Variants in STRN observed in about 807,000 individuals in gnomAD.
The protein encoded by STRN is striatin.
A neutral mutation model predicts 96.3 loss-of-function variants in STRN; 53 were observed. That is an observed-to-expected ratio of 0.55 (90% CI 0.44 to 0.69). The LOEUF (loss-of-function observed/expected upper bound fraction) is 0.69, where lower values mean the gene tolerates loss of function less well. Ranked by LOEUF, STRN falls within the 30% of genes least tolerant of loss-of-function variation. STRN has a pLI of 0.00. For missense variants in STRN, 987 were observed against 963.9 expected (o/e 1.02, Z -0.32); for synonymous variants, 428 against 355.9 (o/e 1.20, Z -2.28).
chr2:36,915,063 G>C (rs1443770264), intron 3 of STRN, among the ~76,000 whole-genome samples: 4 of 151,052 alleles, frequency 2.6e-5, no homozygotes, highest in South Asian at 4.2e-4. Context: ...CAGGCCTGGT[G>C]GTGGGCGCCA....
At chr2:36,918,880 C>T (rs1325411165) in intron 2 of STRN, among the ~76,000 whole-genome samples, 1 of 152,150 alleles carries the variant, frequency 6.6e-6, no homozygotes, top group Admixed American at 6.6e-5. Flanking sequence ...CTTTTTCTGT[C>T]TAATTCTGCC....
rs1668024781 is a variant in STRN at position 36,844,788 on chromosome 2, T to G, written c.*4668A>C. 1 of 152,164 alleles carries G rather than the reference T, an allele frequency of 6.6e-6. No homozygotes were observed. The highest frequency in any genetic ancestry group is 2.4e-5 in the African/African-American group (1 of 41,434). 9.4% of individuals were successfully genotyped at this position (152,164 alleles called of 1,614,324 possible). On this transcript the variant is annotated 3_prime_UTR_variant, in exon 18 of 18. Transcript: ENST00000263918. ...CCAGTTGGATGATGGATATTGCCAA[T>G]TAAAAAGTTTGTAGTGGCAAAAGTA...
At chr2:36,875,925 G>T (rs1264870750) in intron 10 of STRN, among the ~76,000 whole-genome samples, 2 of 152,062 alleles carry the variant, frequency 1.3e-5, no homozygotes. Context: ...CCAAAGTGCT[G>T]GGATACAAGC....
intron 10 of STRN, among the ~76,000 whole-genome samples, chr2:36,877,119 A>G (rs550352455): frequency 6.6e-6 from 1 of 152,312 alleles, no homozygotes; most frequent in African/African-American, 2.4e-5. Flanking sequence ...AAAGATTTCA[A>G]TTTTGGTCCA....
chr2:36,922,175 T>C (rs550707078), intron 2 of STRN, among the ~76,000 whole-genome samples: 1 of 152,174 alleles, frequency 6.6e-6, no homozygotes, highest in Admixed American at 6.5e-5. Context: ...TGAATCTGGG[T>C]AAAGGGTATA....
chr2:36,952,005 C>T (rs1433800725), intron 1 of STRN, among the ~76,000 whole-genome samples: 3 of 152,166 alleles, frequency 2.0e-5, no homozygotes, highest in Non-Finnish European at 4.4e-5. Flanking sequence ...AAGAATCTAA[C>T]GCCTGATGAT....
At chr2:36,932,499 TAATA>T (rs1431201213) in intron 1 of STRN, among the ~76,000 whole-genome samples, 2 of 152,232 alleles carry the variant, frequency 1.3e-5, no homozygotes, top group African/African-American at 4.8e-5. Flanking sequence ...GAAATTTTCC[TAATA>T]AATAAAATTA....
intron 1 of STRN, among the ~76,000 whole-genome samples, chr2:36,958,840 G>C (rs970959630): frequency 6.6e-6 from 1 of 152,194 alleles, no homozygotes; most frequent in African/African-American, 2.4e-5. Context: ...AGAAATATAG[G>C]CTGGGTGTGG....
At chr2:36,907,374 C>T (rs1186114936) in intron 3 of STRN, among the ~76,000 whole-genome samples, 1 of 152,122 alleles carries the variant, frequency 6.6e-6, no homozygotes, top group African/African-American at 2.4e-5. Context: ...GCGGTGAAAT[C>T]CTGTCTCTAC....
chr2:36,865,324 A>G (rs1668593559), intron 12 of STRN, among the ~76,000 whole-genome samples: 1 of 152,170 alleles, frequency 6.6e-6, no homozygotes, highest in South Asian at 2.1e-4. Context: ...TGGTAATATT[A>G]CATTTATCAT....
In STRN at chr2:36,867,851, G is replaced by T; in HGVS notation, c.1510C>A (p.Leu504Ile). ...AATGTATAGATAGGTTCTACATCAA[G>T]AGAAGTGCTCCTAAATCAGAGAGAG... ...KTAPAKKSTS[L>I]DVEPIYTFRA... Residue 504 changes from leucine (L) to isoleucine (I), a missense_variant, in exon 12 of 18, where the codon CTT becomes ATT. Leu to Ile is a conservative substitution (Grantham distance 5). Coordinates refer to ENST00000263918, the MANE Select transcript of STRN (RefSeq NM_003162.4). 1 of 1,592,776 alleles carries T rather than the reference G, an allele frequency of 6.3e-7. No homozygotes were observed. The highest frequency in any genetic ancestry group is 8.5e-7 in the Non-Finnish European group (1 of 1,171,138).
In STRN at chr2:36,841,589, T is replaced by G. The variant is rs889069059; in HGVS notation, c.*7867A>C. On this transcript the variant is annotated 3_prime_UTR_variant, in exon 18 of 18. Coordinates refer to ENST00000263918, the MANE Select transcript of STRN (RefSeq NM_003162.4). Reference sequence around the variant, plus strand: ...TAGTCAAAACCATTCAAAAGAGAACTCACTCTGTAAAAACGATTCTCATAT... The same window carrying G: ...TAGTCAAAACCATTCAAAAGAGAACGCACTCTGTAAAAACGATTCTCATAT... 6.6e-6 allele frequency: 1 copy of G among 152,176 alleles called. No homozygotes were observed. The highest frequency in any genetic ancestry group is 1.5e-5 in the Non-Finnish European group (1 of 68,022). The allele number at this position is 152,176 out of a possible 1,614,324, so 9.4% of individuals were successfully genotyped here.
chr2:36,918,792 A>G (rs1303689978), intron 2 of STRN, among the ~76,000 whole-genome samples: 2 of 152,246 alleles, frequency 1.3e-5, no homozygotes, highest in Admixed American at 6.5e-5. Context: ...ATATGTGAAA[A>G]TACCTTCTCA....
At chr2:36,895,123 C>T (rs1396636455) in intron 6 of STRN, among the ~76,000 whole-genome samples, 2 of 151,362 alleles carry the variant, frequency 1.3e-5, no homozygotes, top group Non-Finnish European at 3.0e-5. Context: ...GTCAGGAGAT[C>T]GAGACCATCC....
At chr2:36,852,358 T>A (rs1489683363) in intron 15 of STRN, among the ~76,000 whole-genome samples, 1 of 152,196 alleles carries the variant, frequency 6.6e-6, no homozygotes, top group Admixed American at 6.5e-5. Context: ...AATATATTAC[T>A]GGAACAACTC....
rs578083694 is a variant in STRN at position 36,963,270 on chromosome 2, G to A, written c.234+2960C>T. Reference sequence around the variant, plus strand: ...ACAAGTCTTCCCTGGCAACCTGAAAGAGCAGGACTGACAGGTTCTTGAAGA... The same window carrying A: ...ACAAGTCTTCCCTGGCAACCTGAAAAAGCAGGACTGACAGGTTCTTGAAGA... On this transcript the variant is annotated intron_variant, in intron 1 of 17. Transcript: ENST00000263918. Among the ~76,000 whole-genome samples, 9 of 152,304 alleles carry A rather than the reference G, an allele frequency of 5.9e-5. No individual in the cohort carries two copies. In the South Asian group the frequency reaches 1.2e-3, roughly 21 times the overall value.
chr2:36,920,626 A>G (rs1016222827), intron 2 of STRN, among the ~76,000 whole-genome samples: 11 of 150,456 alleles, frequency 7.3e-5, no homozygotes, highest in African/African-American at 2.7e-4. Context: ...CAACAAGAGC[A>G]AAACTCCGTC....
chr2:36,848,030 T>C lies in STRN; in HGVS notation c.*1426A>G, dbSNP rs1331185191. On this transcript the variant is annotated 3_prime_UTR_variant, in exon 18 of 18. Transcript: ENST00000263918. ...AGAGTAAGAGAGACATAAACCACTA[T>C]AGAAATAATGTCTTTATGACAGGAG... 1 of 152,194 alleles carries C rather than the reference T, an allele frequency of 6.6e-6. No individual in the cohort carries two copies. The highest frequency in any genetic ancestry group is 1.5e-5 in the Non-Finnish European group (1 of 68,032). The allele number at this position is 152,194 out of a possible 1,614,324, so 9.4% of individuals were successfully genotyped here.
At chr2:36,897,410 A>AT (rs1469740285) in intron 6 of STRN, among the ~76,000 whole-genome samples, 4 of 149,752 alleles carry the variant, frequency 2.7e-5, no homozygotes, top group Middle Eastern at 3.4e-3. Flanking sequence ...GCTTAGAAAT[A>AT]TTTTTTTCCA....
Sources: allele counts gnomAD v4.1 joint callset (sites outside exome capture counted in the v4.1 genomes callset), GRCh38; gene constraint gnomAD v4.1.1; transcripts MANE v1.5; gene names NCBI Gene and HGNC (gene_info 2026-07-23, HGNC 2026-07-21).